The following RYR3 variants were observed in gnomAD, a reference collection of about 807,000 sequenced individuals.
RYR3 encodes the protein ryanodine receptor 3, also known as brain ryanodine receptor-calcium release channel.
Under a neutral mutation model 584.3 loss-of-function variants are expected in RYR3, and 207 were observed. That is an observed-to-expected ratio of 0.35 (90% CI 0.32 to 0.40). The LOEUF (loss-of-function observed/expected upper bound fraction) is 0.40, where lower values mean the gene tolerates loss of function less well. Ranked by LOEUF, RYR3 falls within the 10% of genes least tolerant of loss-of-function variation. The probability of loss-of-function intolerance (pLI) is 1.00; values close to 1 mark genes in which losing one functional copy is unlikely to be tolerated. For synonymous variants in RYR3, 2,416 were observed against 2,248.5 expected (o/e 1.07, Z -2.11); for missense variants, 5,616 against 6,089.2 (o/e 0.92, Z 2.59).
At chr15:33,783,652 T>C (rs531493567) in intron 65 of RYR3, among the ~76,000 whole-genome samples, 14 of 152,350 alleles carry the variant, frequency 9.2e-5, no homozygotes, top group African/African-American at 3.4e-4. Context: ...CCACGGCAAA[T>C]AGTTGTAAAT....
At chr15:33,362,270 A>T (rs1304065855) in intron 1 of RYR3, among the ~76,000 whole-genome samples, 3 of 152,156 alleles carry the variant, frequency 2.0e-5, no homozygotes, top group Admixed American at 6.5e-5. Flanking sequence ...GTGATCCAAA[A>T]TGAACAGCCT....
rs373469933 is a variant in RYR3, at chr15:33,376,897, T to A, written c.51+65801T>A. Among the ~76,000 whole-genome samples, 18 of 152,358 alleles carry A rather than the reference T, an allele frequency of 1.2e-4. 1 individual carries two copies. The highest frequency in any genetic ancestry group is 8.5e-4 in the Admixed American group (13 of 15,312). On this transcript the variant is annotated intron_variant, in intron 1 of 103. Transcript: ENST00000634891. ...AAAATTTTTCCTATCTTTATTGAATTCCTTGGTGCCTTTATTGAAAATCAA... is the reference window on the plus strand; with the variant it reads ...AAAATTTTTCCTATCTTTATTGAATACCTTGGTGCCTTTATTGAAAATCAA...
rs1419259716 is a variant in RYR3 at position 33,812,916 on chromosome 15, G to C, written c.10311G>C (p.Lys3437Asn). Residue 3437 changes from lysine (K) to asparagine (N), a missense_variant, in exon 73 of 104, where the codon AAG becomes AAC. Around this residue, in one of 9 missense-constraint regions of RYR3, gnomAD observed 954 missense variants for 1,132.2 expected, o/e 0.84. Coordinates refer to ENST00000634891, the MANE Select transcript of RYR3 (RefSeq NM_001036.6). Reference protein sequence around the residue: ...WQLNLYKDVLKSEEPFNPEKT... With the variant: ...WQLNLYKDVLNSEEPFNPEKT... ...TGAACCTCTACAAGGATGTTCTGAA[G>C]AGTGAAGAACCTTTCAATCCGGAAA... The C allele has an allele frequency of 6.2e-7, 1 of 1,613,888 alleles. No individual in the cohort carries two copies. Among genetic ancestry groups the C allele is most frequent in the African/African-American group, 1.3e-5 (1 of 74,934 alleles).
At chr15:33,864,276 T>C in intron 103 of RYR3, 87 bp downstream of exon 103, 1 of 1,017,960 alleles carries the variant, frequency 9.8e-7, no homozygotes, top group Non-Finnish European at 1.5e-6. Context: ...CTGAAATACA[T>C]ACATGGCCCC....
chr15:33,731,553 G>A lies in RYR3; in HGVS notation c.7283G>A (p.Cys2428Tyr). 2 of 1,613,850 alleles carry A rather than the reference G, an allele frequency of 1.2e-6. No individual in the cohort carries two copies. Among genetic ancestry groups the A allele is most frequent in the Non-Finnish European group, 1.7e-6 (2 of 1,179,818 alleles). ...GCTGTGCTCCCGCTCCTCACAAGAT[G>A]TGCCCCTCTCTTTGCCGGAACAGAA... Reference protein sequence around the residue: ...CSAVLPLLTRCAPLFAGTEHC... With the variant: ...CSAVLPLLTRYAPLFAGTEHC... Residue 2428 changes from cysteine to tyrosine, a missense_variant, in exon 48 of 104, where the codon TGT (cysteine) becomes TAT (tyrosine). Around this residue, in one of 9 missense-constraint regions of RYR3, gnomAD observed 1,280 missense variants for 1,426.2 expected, o/e 0.90. Transcript: ENST00000634891.
intron 1 of RYR3, among the ~76,000 whole-genome samples, chr15:33,328,504 T>C (rs1000995253): frequency 6.6e-6 from 1 of 152,334 alleles, no homozygotes; most frequent in Non-Finnish European, 1.5e-5. Flanking sequence ...CTAATCTTCA[T>C]GGGGTCATTA....
intron 1 of RYR3, among the ~76,000 whole-genome samples, chr15:33,313,452 A>G (rs537148171): frequency 1.7e-4 from 26 of 152,280 alleles, no homozygotes; most frequent in African/African-American, 6.3e-4. Flanking sequence ...ATTCGACAAA[A>G]TGATTTTTTG....
intron 1 of RYR3, among the ~76,000 whole-genome samples, chr15:33,400,579 G>C (rs1046082036): frequency 6.6e-6 from 1 of 152,072 alleles, no homozygotes; most frequent in African/African-American, 2.4e-5. Context: ...TCTTCGTGGA[G>C]ACTTTCTTCC....
At chr15:33,817,222 T>C (rs1334342413) in intron 75 of RYR3, among the ~76,000 whole-genome samples, 1 of 152,202 alleles carries the variant, frequency 6.6e-6, no homozygotes, top group Non-Finnish European at 1.5e-5. Context: ...CACCGCCATG[T>C]CATGGGGGGT....
chr15:33,521,039 G>C (rs184856317), intron 3 of RYR3, among the ~76,000 whole-genome samples: 1 of 152,136 alleles, frequency 6.6e-6, no homozygotes, highest in Non-Finnish European at 1.5e-5. Flanking sequence ...AAGGCAGGAG[G>C]TTCCCCAGTT....
intron 8 of RYR3, among the ~76,000 whole-genome samples, chr15:33,546,640 A>G (rs1476080073): frequency 2.6e-5 from 4 of 152,156 alleles, no homozygotes; most frequent in African/African-American, 9.7e-5. Flanking sequence ...AGTCCTTTAA[A>G]TTTTCACAAC....
chr15:33,417,089 G>A (rs1173951283), intron 1 of RYR3, among the ~76,000 whole-genome samples: 2 of 152,100 alleles, frequency 1.3e-5, no homozygotes, highest in Non-Finnish European at 1.5e-5. Flanking sequence ...TTTGGTTACT[G>A]TAGCCTTGTA....
At chr15:33,427,355 TCC>T (rs1209685097) in intron 1 of RYR3, among the ~76,000 whole-genome samples, 3 of 152,178 alleles carry the variant, frequency 2.0e-5, no homozygotes, top group Non-Finnish European at 4.4e-5. Context: ...GCACCTATAG[TCC>T]CAGCTTCTTG....
chr15:33,852,871 T>C (rs1444745547), intron 94 of RYR3, 174 bp from the exon 95 acceptor site: 1 of 600,874 alleles, frequency 1.7e-6, no homozygotes, highest in African/African-American at 1.9e-5. Flanking sequence ...AAGCCATACA[T>C]GACTCAGTAG....
chr15:33,454,659 A>G (rs2047399193), intron 1 of RYR3, among the ~76,000 whole-genome samples: 1 of 152,126 alleles, frequency 6.6e-6, no homozygotes, highest in Non-Finnish European at 1.5e-5. Flanking sequence ...ACAATGATGG[A>G]CCCTCCCAGA....
At chr15:33,794,018 TTA>T (rs1196319112) in intron 67 of RYR3, among the ~76,000 whole-genome samples, 1 of 47,570 alleles carries the variant, frequency 2.1e-5, no homozygotes, top group African/African-American at 4.8e-5. Flanking sequence ...TAAATATATA[TTA>T]TATATAAATA....
chr15:33,468,625 A>T (rs1241234719), intron 1 of RYR3, among the ~76,000 whole-genome samples: 1 of 152,232 alleles, frequency 6.6e-6, no homozygotes, highest in Admixed American at 6.5e-5. Flanking sequence ...TACAAAACAC[A>T]TTATGTTTCC....
In RYR3 at chr15:33,469,289, A is replaced by G. The variant is rs1412978486; in HGVS notation, c.52-4130A>G. Among the ~76,000 whole-genome samples the G allele has an allele frequency of 1.3e-5, 2 of 152,306 alleles. 1 individual carries two copies. The highest frequency in any genetic ancestry group is 3.9e-4 in the East Asian group (2 of 5,192). ...CAAAGGCATGGAAATAGGGAAACCC[A>G]ACGCTACAGGGAAGAAGTTAGGATG... On this transcript the variant is annotated intron_variant, in intron 1 of 103. Coordinates refer to ENST00000634891, the MANE Select transcript of RYR3 (RefSeq NM_001036.6).
intron 49 of RYR3, among the ~76,000 whole-genome samples, chr15:33,737,895 G>A (rs8027644): frequency 0.49 from 74,455 of 151,830 alleles, 21,003 homozygotes; most frequent in Non-Finnish European, 0.63. Flanking sequence ...CTCTACTGGC[G>A]AGATGTGAAA....
Sources: allele counts gnomAD v4.1 joint callset (sites outside exome capture counted in the v4.1 genomes callset), GRCh38; gene constraint gnomAD v4.1.1; regional missense constraint gnomAD v4.1.1; transcripts MANE v1.5; gene names NCBI Gene and HGNC (gene_info 2026-07-23, HGNC 2026-07-21).